MYO15A: variants seen among roughly 807,000 people sequenced by gnomAD.
The protein encoded by MYO15A is myosin XVA.
MYO15A carries 308 observed loss-of-function variants against 394.6 expected under a neutral mutation model. The observed-to-expected ratio is 0.78, with a 90% CI of 0.71 to 0.86. The LOEUF (loss-of-function observed/expected upper bound fraction) is 0.86. MYO15A is among the 40% of genes least tolerant of loss of function. MYO15A has a pLI of 0.00. For synonymous variants in MYO15A, 1,957 were observed against 2,003.8 expected (o/e 0.98, Z 0.62); for missense variants, 4,606 against 4,799.1 (o/e 0.96, Z 1.19).
intron 12 of MYO15A, among the ~76,000 whole-genome samples, 161 bp from the exon 13 acceptor site, chr17:18,135,550 A>G (rs1177330284): frequency 6.6e-6 from 1 of 152,078 alleles, no homozygotes. Context: ...CATGTTGGTC[A>G]GGTTGGTCTC....
intron 40 of MYO15A, 80 bp downstream of exon 40, chr17:18,151,607 T>C: frequency 1.3e-6 from 2 of 1,572,028 alleles, no homozygotes; most frequent in Middle Eastern, 1.7e-4. Flanking sequence ...GCTTACTGGG[T>C]TGAAGCGCCC....
Position 18,159,652 on chromosome 17 carries a change from C to T in MYO15A, c.9276C>T (p.Asp3092=), listed in dbSNP as rs775887312. The part of the protein sequence containing the change: ...MGDAPLKGQS[D]LDVLCNLLKL... ...ATGCCCCACTGAAGGGCCAGAGTGACCTGGACGTGCTTTGTAACCTCCTGA... is the reference window on the plus strand; with the variant it reads ...ATGCCCCACTGAAGGGCCAGAGTGATCTGGACGTGCTTTGTAACCTCCTGA... The change falls in exon 55 of 66, where the codon GAC becomes GAT. Residue 3092 remains aspartate (D), a synonymous_variant. Transcript: ENST00000647165. 3.1e-6 allele frequency: 5 copies of T among 1,614,126 alleles called. No homozygotes were observed. In the South Asian group the frequency reaches 3.3e-5, roughly 11 times the overall value.
rs878854411 is a variant in MYO15A, at chr17:18,131,308, C to T, written c.4108C>T (p.Arg1370Cys). ...AACCGTCAGGAACGACAACTCCAGCCGCTTTGGGAAGTTTGTGGAAATCTT... is the reference window on the plus strand; with the variant it reads ...AACCGTCAGGAACGACAACTCCAGCTGCTTTGGGAAGTTTGTGGAAATCTT... ...AKTVRNDNSS[R>C]FGKFVEIFLE... is the part of the protein sequence containing the mutation. Residue 1370 changes from arginine to cysteine, a missense_variant, in exon 9 of 66, where the codon CGC (arginine) becomes TGC (cysteine). Physicochemically the swap from Arg to Cys is radical, Grantham distance 180 (BLOSUM62 -3). Around this residue, in one of 2 missense-constraint regions of MYO15A, gnomAD observed 2,776 missense variants for 3,109.3 expected, o/e 0.89. Coordinates refer to ENST00000647165, the MANE Select transcript of MYO15A (RefSeq NM_016239.4). 9.9e-6 allele frequency: 16 copies of T among 1,614,030 alleles called. No individual in the cohort carries two copies. Among genetic ancestry groups the T allele is most frequent in the Admixed American group, 1.7e-5 (1 of 60,008 alleles).
At chr17:18,124,318 T>A in intron 2 of MYO15A, 165 bp from the exon 3 acceptor site, 1 of 714,044 alleles carries the variant, frequency 1.4e-6, no homozygotes, top group Non-Finnish European at 2.5e-6. Flanking sequence ...GCATGCAGGT[T>A]CTGGGGGCCA....
intron 1 of MYO15A, among the ~76,000 whole-genome samples, chr17:18,110,904 T>G (rs1418783151): frequency 1.3e-5 from 2 of 152,236 alleles, no homozygotes; most frequent in African/African-American, 4.8e-5. Flanking sequence ...TTCCATGTTA[T>G]AAGCTCCCTC....
intron 1 of MYO15A, among the ~76,000 whole-genome samples, chr17:18,115,238 C>T (rs75937129): frequency 0.032 from 4,891 of 152,298 alleles, 112 homozygotes; most frequent in Non-Finnish European, 0.046. Context: ...TGCAGGAGGA[C>T]CTCCATAGAA....
rs1400029055 is a variant in MYO15A, at chr17:18,124,472, C to G, written c.3610-11C>G. The G allele has an allele frequency of 1.5e-5, 24 of 1,609,960 alleles. No homozygotes were observed. Among genetic ancestry groups the G allele is most frequent in the Non-Finnish European group, 1.7e-5 (20 of 1,179,896 alleles). ...TTCAACCTGCAGACACAGCCTCTCT[C>G]TCTCACACAGATGCACTCCATCCGC... On this transcript the variant is annotated splice_polypyrimidine_tract_variant and intron_variant, in intron 2 of 65. Transcript: ENST00000647165.
chr17:18,149,572 GGGGATGCGGTA>G lies in MYO15A; in HGVS notation c.7211_7212+9del. 6.2e-7 allele frequency: 1 copy of G among 1,613,950 alleles called. No individual in the cohort carries two copies. The highest frequency in any genetic ancestry group is 2.2e-5 in the East Asian group (1 of 44,886). Reference sequence around the variant, plus strand: ...CCTCTTTGACCCTGTGCTGTCCTACGGGGATGCGGTAGGGATGGTGTGGGGTGGGTCATTTG... The same window carrying G: ...CCTCTTTGACCCTGTGCTGTCCTACGGGGATGGTGTGGGGTGGGTCATTTG... On this transcript the variant is annotated splice_donor_variant and splice_donor_region_variant and coding_sequence_variant and intron_variant, in exon 35 of 66. Coordinates refer to ENST00000647165, the MANE Select transcript of MYO15A (RefSeq NM_016239.4). LOFTEE classifies it high-confidence loss of function.
chr17:18,135,069 G>A (rs983857103), intron 12 of MYO15A, among the ~76,000 whole-genome samples: 4 of 152,042 alleles, frequency 2.6e-5, no homozygotes, highest in Admixed American at 6.6e-5. Context: ...GTCTCACTAT[G>A]TTGCCAGGCT....
rs761255026 is a variant in MYO15A at position 18,118,889 on chromosome 17, T to C, written c.89T>C (p.Leu30Pro). ...APEPEKPKRS[L>P]KGTSRLFMGF... is the part of the protein sequence containing the mutation. ...GAGCCGGAGAAGCCCAAACGGAGCC[T>C]GAAGGGGACGTCGCGGCTGTTCATG... Residue 30 changes from leucine to proline, a missense_variant, in exon 2 of 66, where the codon CTG becomes CCG. By Grantham distance (98) the Leu-to-Pro change is moderately conservative. Around this residue, in one of 2 missense-constraint regions of MYO15A, gnomAD observed 1,830 missense variants for 1,689.7 expected, o/e 1.08. Transcript: ENST00000647165. The C allele has an allele frequency of 6.2e-7, 1 of 1,613,762 alleles. No homozygotes were observed. Among genetic ancestry groups the C allele is most frequent in the Non-Finnish European group, 8.5e-7 (1 of 1,179,938 alleles).
intron 64 of MYO15A, chr17:18,172,810 C>T (rs1484224239): frequency 2.5e-5 from 5 of 202,632 alleles, no homozygotes; most frequent in African/African-American, 1.2e-4. Context: ...ATCCTAACAG[C>T]TTCATTTTAA....
intron 65 of MYO15A, chr17:18,176,686 C>G (rs978009406): frequency 2.6e-5 from 4 of 152,034 alleles, no homozygotes; most frequent in Non-Finnish European, 4.4e-5. Context: ...CAGGCATGTG[C>G]CACCATGCCC....
intron 4 of MYO15A, chr17:18,125,524 C>T: frequency 2.6e-6 from 1 of 383,136 alleles, no homozygotes; most frequent in South Asian, 2.5e-5. Context: ...GAAACCCCCT[C>T]TCTACTAAAA....
At chr17:18,149,625 C>T (rs2046544098) in intron 35 of MYO15A, 45 bp downstream of exon 35, 1 of 1,573,450 alleles carries the variant, frequency 6.4e-7, no homozygotes, top group African/African-American at 1.4e-5. Context: ...GCAGGCACAG[C>T]ATGTACACCC....
rs1217688570 is a variant in MYO15A, at chr17:18,150,577, G to A, written c.7327+34G>A. Reference sequence around the variant, plus strand: ...CTCCCCAGGGTGGTTCCAGGGTTGGGCAGGGCCAGAGCCACTTGCTGGTGT... The same window carrying A: ...CTCCCCAGGGTGGTTCCAGGGTTGGACAGGGCCAGAGCCACTTGCTGGTGT... On this transcript the variant is annotated intron_variant, in intron 36 of 65. Transcript: ENST00000647165. The surrounding 1 kb of genome is among the most constrained non-coding windows in gnomAD (Gnocchi z 4.4). 3.1e-6 allele frequency: 5 copies of A among 1,613,380 alleles called. No individual in the cohort carries two copies. Among genetic ancestry groups the A allele is most frequent in the Admixed American group, 3.3e-5 (2 of 59,986 alleles).
intron 44 of MYO15A, 111 bp from the exon 45 acceptor site, chr17:18,154,569 C>T (rs1374669884): frequency 9.0e-7 from 1 of 1,111,554 alleles, no homozygotes; most frequent in Non-Finnish European, 1.4e-6. Context: ...GATGACCCCA[C>T]TGCTGCAAAA....
Position 18,127,064 on chromosome 17 carries a change from T to C in MYO15A, c.3942-11T>C. On this transcript the variant is annotated splice_polypyrimidine_tract_variant and intron_variant, in intron 6 of 65. Coordinates refer to ENST00000647165, the MANE Select transcript of MYO15A (RefSeq NM_016239.4). ...AAGGTTGGAGCTCACTCTGCCCCTT[T>C]GCTCGGTCAGTGGAGAGAGCGGCTC... The C allele has an allele frequency of 6.2e-7, 1 of 1,614,018 alleles. No individual in the cohort carries two copies. Among genetic ancestry groups the C allele is most frequent in the South Asian group, 1.1e-5 (1 of 91,084 alleles).
chr17:18,113,148 G>A (rs1198954765), intron 1 of MYO15A, among the ~76,000 whole-genome samples: 3 of 151,942 alleles, frequency 2.0e-5, no homozygotes, highest in African/African-American at 4.8e-5. Context: ...CACACCTGGC[G>A]CTGTATTTCT....
intron 12 of MYO15A, among the ~76,000 whole-genome samples, chr17:18,133,928 G>T (rs903269441): frequency 6.6e-6 from 1 of 152,100 alleles, no homozygotes; most frequent in Non-Finnish European, 1.5e-5. Context: ...AAAATGCTGG[G>T]ATTATAGGCA....
Sources: allele counts gnomAD v4.1 joint callset (sites outside exome capture counted in the v4.1 genomes callset), GRCh38; gene constraint gnomAD v4.1.1; regional missense constraint gnomAD v4.1.1; non-coding constraint Gnocchi (gnomAD v3.1); transcripts MANE v1.5; gene names NCBI Gene and HGNC (gene_info 2026-07-23, HGNC 2026-07-21).